The following XKR4 variants were observed in gnomAD, a reference collection of about 807,000 sequenced individuals.
The protein encoded by XKR4 is XK related 4.
XKR4 carries 12 observed loss-of-function variants against 53.9 expected under a neutral mutation model. That is an observed-to-expected ratio of 0.22 (90% CI 0.14 to 0.36). XKR4 has a LOEUF of 0.36. Ranked by LOEUF, XKR4 falls within the 10% of genes least tolerant of loss-of-function variation. The probability of loss-of-function intolerance (pLI) is 1.00; values close to 1 mark genes in which losing one functional copy is unlikely to be tolerated. For synonymous variants in XKR4, 354 were observed against 362.4 expected (o/e 0.98, Z 0.26); for missense variants, 799 against 859.5 (o/e 0.93, Z 0.88).
At chr8:55,185,447 G>A (rs1049082140) in intron 1 of XKR4, among the ~76,000 whole-genome samples, 1 of 152,132 alleles carries the variant, frequency 6.6e-6, no homozygotes. Context: ...TTTTCTGATG[G>A]ACAGAAACAG....
At chr8:55,456,540 A>G (rs1019527065) in intron 2 of XKR4, among the ~76,000 whole-genome samples, 2 of 152,266 alleles carry the variant, frequency 1.3e-5, no homozygotes, top group Non-Finnish European at 2.9e-5. Context: ...CATGATGTCT[A>G]TGATTCCATA....
At chr8:55,245,963 G>A (rs113252570) in intron 1 of XKR4, among the ~76,000 whole-genome samples, 3,362 of 152,218 alleles carry the variant, frequency 0.022, 132 homozygotes, top group African/African-American at 0.076. Context: ...TTAGCTGGGC[G>A]TGGTGGCGCA....
intron 1 of XKR4, among the ~76,000 whole-genome samples, chr8:55,263,037 C>T (rs1272577331): frequency 6.6e-6 from 1 of 152,198 alleles, no homozygotes; most frequent in African/African-American, 2.4e-5. Flanking sequence ...GCAGCTTTTT[C>T]TCTGTCCCTC....
intron 1 of XKR4, among the ~76,000 whole-genome samples, chr8:55,170,108 A>C (rs1368023029): frequency 3.3e-5 from 5 of 152,202 alleles, no homozygotes; most frequent in Non-Finnish European, 7.4e-5. Context: ...AAAAGTTCAC[A>C]GCATGTTCTA....
intron 1 of XKR4, among the ~76,000 whole-genome samples, chr8:55,259,825 G>A (rs1475495761): frequency 3.9e-5 from 6 of 152,074 alleles, no homozygotes; most frequent in African/African-American, 1.4e-4. Context: ...TAAACTTAAT[G>A]AATCTAATTT....
intron 1 of XKR4, among the ~76,000 whole-genome samples, chr8:55,141,766 C>G (rs1032344744): frequency 2.0e-5 from 3 of 151,802 alleles, no homozygotes; most frequent in African/African-American, 7.3e-5. Context: ...CAGCTTGACA[C>G]AGATTCAAAT....
chr8:55,418,716 C>G (rs1385105638), intron 2 of XKR4, among the ~76,000 whole-genome samples: 14 of 152,168 alleles, frequency 9.2e-5, no homozygotes, highest in Admixed American at 7.2e-4. Context: ...CCATGACCCA[C>G]CATTCAGTGA....
At chr8:55,206,020 G>C (rs532995277) in intron 1 of XKR4, among the ~76,000 whole-genome samples, 1 of 152,144 alleles carries the variant, frequency 6.6e-6, no homozygotes, top group African/African-American at 2.4e-5. Context: ...AAGGTGGCGC[G>C]TCTGGAGTTG....
intron 1 of XKR4, among the ~76,000 whole-genome samples, chr8:55,300,636 C>T (rs1210730937): frequency 6.6e-6 from 1 of 152,074 alleles, no homozygotes; most frequent in East Asian, 1.9e-4. Context: ...AGAGGGCTTA[C>T]ACAAGGGGGA....
intron 1 of XKR4, among the ~76,000 whole-genome samples, chr8:55,337,670 G>C (rs1048465154): frequency 6.6e-6 from 1 of 152,164 alleles, no homozygotes; most frequent in African/African-American, 2.4e-5. Flanking sequence ...GCAATGGTAA[G>C]ATAAACAGCT....
chr8:55,401,642 G>T (rs2129389998), intron 2 of XKR4, among the ~76,000 whole-genome samples: 1 of 152,346 alleles, frequency 6.6e-6, no homozygotes, highest in Middle Eastern at 3.4e-3. Flanking sequence ...CACCCTCAGA[G>T]CTAAGGGGAG....
At chr8:55,375,853 G>A (rs1168911120) in intron 2 of XKR4, among the ~76,000 whole-genome samples, 4 of 151,906 alleles carry the variant, frequency 2.6e-5, no homozygotes, top group East Asian at 3.9e-4. Flanking sequence ...CCCCGCATGC[G>A]TTAGCTCTTT....
At position 55,176,714 on chromosome 8, in the gene XKR4, G is replaced by A. The variant is rs1817240201; in HGVS notation, c.806+73420G>A. ...GTTCAGATTCCTCATGGTACACCTTGGTATACTTTTTACATCTATTAAAAT... is the reference window on the plus strand; with the variant it reads ...GTTCAGATTCCTCATGGTACACCTTAGTATACTTTTTACATCTATTAAAAT... On this transcript the variant is annotated intron_variant, in intron 1 of 2. Coordinates refer to ENST00000327381, the MANE Select transcript of XKR4 (RefSeq NM_052898.2). Among the ~76,000 whole-genome samples the A allele has an allele frequency of 2.0e-5, 3 of 152,014 alleles. No individual in the cohort carries two copies. The South Asian group carries it at 6.3e-4, about 32-fold the overall frequency.
At chr8:55,135,889 CTTTT>C (rs71256514) in intron 1 of XKR4, among the ~76,000 whole-genome samples, 77,592 of 146,130 alleles carry the variant, frequency 0.53, 20,927 homozygotes, top group South Asian at 0.7. Context: ...AACATGCTCA[CTTTT>C]TTTTTTTTTT....
chr8:55,469,041 G>A (rs750397789), intron 2 of XKR4, among the ~76,000 whole-genome samples: 1 of 151,976 alleles, frequency 6.6e-6, no homozygotes, highest in African/African-American at 2.4e-5. Flanking sequence ...CATGAAAAAA[G>A]GAATAATTTT....
chr8:55,207,245 G>A (rs1332904692), intron 1 of XKR4, among the ~76,000 whole-genome samples: 1 of 152,186 alleles, frequency 6.6e-6, no homozygotes, highest in East Asian at 1.9e-4. Flanking sequence ...CCTGGGGGCA[G>A]GGTGGGGCAG....
At chr8:55,265,290 T>C (rs1818580554) in intron 1 of XKR4, among the ~76,000 whole-genome samples, 1 of 152,202 alleles carries the variant, frequency 6.6e-6, no homozygotes, top group South Asian at 2.1e-4. Flanking sequence ...TGTCTACAAC[T>C]GCTTCAAAAT....
At chr8:55,369,781 G>A (rs1231080020) in intron 2 of XKR4, among the ~76,000 whole-genome samples, 4 of 151,680 alleles carry the variant, frequency 2.6e-5, no homozygotes. Context: ...CATTTTTAAT[G>A]ACCACATAAC....
chr8:55,350,149 T>C lies in XKR4; in HGVS notation c.807-7529T>C, dbSNP rs1171065924. ...TTGTTTAATACCTTATCATTGGGCA[T>C]TTGGGTTTTAACCATTTTTTGTACT... On this transcript the variant is annotated intron_variant, in intron 1 of 2. Transcript: ENST00000327381. 2.0e-5 allele frequency among the ~76,000 whole-genome samples: 3 copies of C among 152,252 alleles called. No individual in the cohort carries two copies. The East Asian group carries it at 5.8e-4, about 29-fold the overall frequency.
Sources: allele counts gnomAD v4.1 joint callset (sites outside exome capture counted in the v4.1 genomes callset), GRCh38; gene constraint gnomAD v4.1.1; transcripts MANE v1.5; gene names NCBI Gene and HGNC (gene_info 2026-07-23, HGNC 2026-07-21).